Variants in GPRIN2 observed in about 807,000 individuals in gnomAD.
GPRIN2 encodes G protein regulated inducer of neurite outgrowth 2.
Under a neutral mutation model 0.3 loss-of-function variants are expected in GPRIN2, and 1 was observed. The observed-to-expected ratio is 3.90, with a 90% CI of 1.39 to 18.51. GPRIN2 has a LOEUF of 18.51. Ranked by LOEUF, GPRIN2 falls within the 30% of genes most tolerant of loss-of-function variation. The probability of loss-of-function intolerance (pLI) is 0.11; values close to 1 mark genes in which losing one functional copy is unlikely to be tolerated. For synonymous variants in GPRIN2, 361 were observed against 258.6 expected, an observed-to-expected ratio of 1.40 and a Z score of -3.80; for missense variants, 880 against 604.2, an observed-to-expected ratio of 1.46 and a Z score of -4.79.
chr10:46,553,528 G>A (rs1842843512), intron 2 of GPRIN2, among the ~76,000 whole-genome samples: 1 of 152,306 alleles, frequency 6.6e-6, no homozygotes, highest in African/African-American at 2.4e-5. Context: ...AGCCAGGCCA[G>A]CAGCCTCTGG....
At chr10:46,551,364 C>G in intron 2 of GPRIN2, 1 of 983,778 alleles carries the variant, frequency 1.0e-6, no homozygotes. Context: ...CCCCATCCTC[C>G]TTGGCCTAGC....
chr10:46,543,776 T>A lies in GPRIN2; in HGVS notation c.*5584A>T, dbSNP rs1351529931. Among the ~76,000 whole-genome samples, 1 of 152,312 alleles carries A rather than the reference T, an allele frequency of 6.6e-6. No homozygotes were observed. The highest frequency in any genetic ancestry group is 2.4e-5 in the African/African-American group (1 of 41,488). ...AGGATATCCACTTGGGGAGCTCGTA[T>A]TTTGGGGCCAGACCTTCCTCCTTGC... On this transcript the variant is annotated 3_prime_UTR_variant, in exon 3 of 3. Coordinates refer to ENST00000374314, the MANE Select transcript of GPRIN2 (RefSeq NM_001385282.1).
chr10:46,549,405 C>T lies in GPRIN2; in HGVS notation c.1332G>A (p.Leu444=). The stretch of plus-strand genomic sequence containing the variant: ...AGCAGCCGCAGCAGCTGGGGCGCCG[C>T]AGGGACTGCATGACAGCCCGCAGTG... The part of the protein sequence containing the change: ...RGPLRAVMQS[L]RRPSCCGCSG... Residue 444 remains leucine, a synonymous_variant, in exon 3 of 3, where the codon CTG becomes CTA. Transcript: ENST00000374314. 1 of 1,534,148 alleles carries T rather than the reference C, an allele frequency of 6.5e-7. No individual in the cohort carries two copies. Among genetic ancestry groups the T allele is most frequent in the Non-Finnish European group, 8.7e-7 (1 of 1,143,570 alleles).
At chr10:46,553,608 G>A (rs1464494499) in intron 2 of GPRIN2, among the ~76,000 whole-genome samples, 2 of 152,306 alleles carry the variant, frequency 1.3e-5, no homozygotes, top group African/African-American at 4.8e-5. Context: ...CATGAGCAAT[G>A]AGCATCCCAC....
In GPRIN2 at chr10:46,550,711, C is replaced by T. The variant is rs1555021022; in HGVS notation, c.26G>A (p.Gly9Asp). The T allele has an allele frequency of 6.6e-7, 1 of 1,508,888 alleles. No individual in the cohort carries two copies. The highest frequency in any genetic ancestry group is 1.4e-5 in the South Asian group (1 of 73,294). 93.5% of individuals were successfully genotyped at this position (1,508,888 alleles called of 1,614,324 possible). A position where few individuals can be genotyped will look rare whatever the true frequency, so the allele number is the denominator to read the frequency against. Residue 9 changes from glycine to aspartate, a missense_variant, in exon 3 of 3, where the codon GGT becomes GAT. Transcript: ENST00000374314. Reference protein sequence around the residue: MSSSRPEPGPWAPLSPRLQ... With the variant: MSSSRPEPDPWAPLSPRLQ... ...GCGGGGGCTCAGGGGTGCCCAGGGACCCGGCTCGGGGCGGCTGGAGCTCAT... is the reference window on the plus strand; with the variant it reads ...GCGGGGGCTCAGGGGTGCCCAGGGATCCGGCTCGGGGCGGCTGGAGCTCAT...
chr10:46,546,972 G>T lies in GPRIN2; in HGVS notation c.*2388C>A, dbSNP rs1842215610. Among the ~76,000 whole-genome samples, 1 of 152,310 alleles carries T rather than the reference G, an allele frequency of 6.6e-6. No individual in the cohort carries two copies. The highest frequency in any genetic ancestry group is 2.4e-5 in the African/African-American group (1 of 41,488). Reference sequence around the variant, plus strand: ...GCCAGGGCAGCATGGAGGTAGCACAGAGTGGCACCCAGCCAGCGTGAATGC... The same window carrying T: ...GCCAGGGCAGCATGGAGGTAGCACATAGTGGCACCCAGCCAGCGTGAATGC... On this transcript the variant is annotated 3_prime_UTR_variant, in exon 3 of 3. Transcript: ENST00000374314.
rs1247530825 is a variant in GPRIN2 at position 46,551,025 on chromosome 10, C to T, written c.-6-283G>A. Among the ~76,000 whole-genome samples the T allele has an allele frequency of 2.0e-5, 3 of 152,426 alleles. No homozygotes were observed. The East Asian group carries it at 5.8e-4, about 29-fold the overall frequency. On this transcript the variant is annotated intron_variant, in intron 2 of 2. Coordinates refer to ENST00000374314, the MANE Select transcript of GPRIN2 (RefSeq NM_001385282.1). ...GGGTGGGGTCCTGGAGGCCGCCACT[C>T]TATCAGCTCTCAACTCTTTACTGGC...
chr10:46,550,140 T>G lies in GPRIN2; in HGVS notation c.597A>C (p.Leu199=). The stretch of plus-strand genomic sequence containing the variant: ...TGTGGGCAGTTGTGTCCCCCAGGTC[T>G]AGTGGTGGCACTGACAACTGACTCG... ...LGASQLSVPP[L]DLGDTTAHSS... Residue 199 remains leucine (L), a synonymous_variant, in exon 3 of 3, where the codon CTA becomes CTC. Transcript: ENST00000374314. 6.2e-7 allele frequency: 1 copy of G among 1,604,528 alleles called. No individual in the cohort carries two copies. Among genetic ancestry groups the G allele is most frequent in the Non-Finnish European group, 8.5e-7 (1 of 1,174,798 alleles).
rs1832305459 is a variant in GPRIN2 at position 46,550,609 on chromosome 10, G to A, written c.128C>T (p.Ala43Val). 1.9e-3 allele frequency: 2,956 copies of A among 1,584,842 alleles called. No individual in the cohort carries two copies. The East Asian group carries it at 0.046, about 25-fold the overall frequency. Residue 43 changes from alanine to valine, a missense_variant, in exon 3 of 3, where the codon GCC becomes GTC. Ala to Val is a moderately conservative substitution (Grantham distance 64, BLOSUM62 0). Coordinates refer to ENST00000374314, the MANE Select transcript of GPRIN2 (RefSeq NM_001385282.1). ...CTGGGCCTGCCACACGGTGCTGCTGGCAGTCTTGCGGAGCTCTGGCCTCTG... is the reference window on the plus strand; with the variant it reads ...CTGGGCCTGCCACACGGTGCTGCTGACAGTCTTGCGGAGCTCTGGCCTCTG... ...REQRPELRKT[A>V]SSTVWQAQLG...
rs1173908645 is a variant in GPRIN2 at position 46,543,801 on chromosome 10, C to T, written c.*5559G>A. Among the ~76,000 whole-genome samples the T allele has an allele frequency of 1.2e-4, 18 of 152,422 alleles. No homozygotes were observed. Among genetic ancestry groups the T allele is most frequent in the African/African-American group, 4.3e-4 (18 of 41,602 alleles). ...TTTTGGGGCCAGACCTTCCTCCTTG[C>T]TGGGCTATCTCGGGCTTGGAGTGGG... On this transcript the variant is annotated 3_prime_UTR_variant, in exon 3 of 3. Transcript: ENST00000374314.
chr10:46,549,759 C>T lies in GPRIN2; in HGVS notation c.978G>A (p.Glu326=), dbSNP rs1555018035. ...MTSANDLAPA[E]ASPLSAQDAG... The stretch of plus-strand genomic sequence containing the variant: ...CATCCTGGGCTGACAGCGGGGATGC[C>T]TCTGCAGGGGCCAAGTCATTGGCTG... The change falls in exon 3 of 3, where the codon GAG becomes GAA. Residue 326 remains glutamate, a synonymous_variant. Transcript: ENST00000374314. The T allele has an allele frequency of 6.2e-7, 1 of 1,614,212 alleles. No homozygotes were observed. The highest frequency in any genetic ancestry group is 1.1e-5 in the South Asian group (1 of 91,090).
upstream of GPRIN2, among the ~76,000 whole-genome samples, chr10:46,557,519 C>G: frequency 1.3e-5 from 2 of 152,426 alleles, no homozygotes; most frequent in Non-Finnish European, 2.9e-5. Flanking sequence ...CAACAGCGGG[C>G]GAGGGCAGTG....
Position 46,547,849 on chromosome 10 carries a change from G to A in GPRIN2, c.*1511C>T, listed in dbSNP as rs1271984224. 6.6e-6 allele frequency among the ~76,000 whole-genome samples: 1 copy of A among 152,424 alleles called. No homozygotes were observed. The highest frequency in any genetic ancestry group is 1.5e-5 in the Non-Finnish European group (1 of 68,050). ...AAAGGCATGTTTACGGGTGAGAATG[G>A]TCCATCGTTGGGCTTCAGGAGGCAT... is the stretch of plus-strand genomic sequence containing the variant. On this transcript the variant is annotated 3_prime_UTR_variant, in exon 3 of 3. Transcript: ENST00000374314.
rs1218187172 is a variant in GPRIN2, at chr10:46,548,232, CAG to C, written c.*1126_*1127del. ...TCGAGAAATCTTTGGGCAATGAAGT[CAG>C]ACTGTGCCAAAGCCCATGTTTCTGT... is the stretch of plus-strand genomic sequence containing the variant. On this transcript the variant is annotated 3_prime_UTR_variant, in exon 3 of 3. Coordinates refer to ENST00000374314, the MANE Select transcript of GPRIN2 (RefSeq NM_001385282.1). Among the ~76,000 whole-genome samples, 2 of 114,246 alleles carry C rather than the reference CAG, an allele frequency of 1.8e-5. No individual in the cohort carries two copies. Among genetic ancestry groups the C allele is most frequent in the African/African-American group, 3.5e-5 (1 of 28,668 alleles). 74.9% of individuals were successfully genotyped at this position (114,246 alleles called of 152,430 possible). A position where few individuals can be genotyped will look rare whatever the true frequency, so the allele number is the denominator to read the frequency against.
chr10:46,551,487 C>T, intron 2 of GPRIN2: 2 of 985,528 alleles, frequency 2.0e-6, no homozygotes, highest in South Asian at 9.4e-5. Flanking sequence ...AGCATCTGGT[C>T]ATTGATTCCA....
At position 46,548,852 on chromosome 10, in the gene GPRIN2, G is replaced by A. The variant is rs1832780951; in HGVS notation, c.*508C>T. On this transcript the variant is annotated 3_prime_UTR_variant, in exon 3 of 3. Coordinates refer to ENST00000374314, the MANE Select transcript of GPRIN2 (RefSeq NM_001385282.1). The stretch of plus-strand genomic sequence containing the variant: ...AAATGAAGGCTTGCCAGGATGAAGA[G>A]GTGAAGACAGGACAAGCACAGTATG... Among the ~76,000 whole-genome samples the A allele has an allele frequency of 0.03, 4,418 of 149,240 alleles. No individual in the cohort carries two copies. The highest frequency in any genetic ancestry group is 0.17 in the East Asian group (811 of 4,848).
chr10:46,549,379 G>A lies in GPRIN2; in HGVS notation c.1358C>T (p.Ser453Phe). 6.7e-7 allele frequency: 1 copy of A among 1,486,112 alleles called. No homozygotes were observed. Among genetic ancestry groups the A allele is most frequent in the African/African-American group, 1.4e-5 (1 of 71,020 alleles). The allele number at this position is 1,486,112 out of a possible 1,614,324, so 92.1% of individuals were successfully genotyped here. The change falls in exon 3 of 3, where the codon TCC becomes TTC. Residue 453 changes from serine (S) to phenylalanine (F), a missense_variant. Physicochemically the swap from Ser to Phe is radical, Grantham distance 155. Coordinates refer to ENST00000374314, the MANE Select transcript of GPRIN2 (RefSeq NM_001385282.1). ...AGCTCCTCACTCGGGGGCCGCGCCG[G>A]AGCAGCCGCAGCAGCTGGGGCGCCG... ...SLRRPSCCGC[S>F]GAAPE
rs1832786009 is a variant in GPRIN2 at position 46,548,754 on chromosome 10, T to G, written c.*606A>C. ...TACAGGGCAACACCCACGGCTCAGC[T>G]GGCCCTGGCTTTGGATCTCAGTCCC... On this transcript the variant is annotated 3_prime_UTR_variant, in exon 3 of 3. Transcript: ENST00000374314. Among the ~76,000 whole-genome samples, 2 of 152,286 alleles carry G rather than the reference T, an allele frequency of 1.3e-5. No homozygotes were observed. The highest frequency in any genetic ancestry group is 1.5e-5 in the Non-Finnish European group (1 of 68,056).
chr10:46,556,365 C>A (rs1369868666), intron 1 of GPRIN2, among the ~76,000 whole-genome samples, 133 bp downstream of exon 1: 1 of 152,304 alleles, frequency 6.6e-6, no homozygotes, highest in African/African-American at 2.4e-5. Flanking sequence ...GCTCTGGGCG[C>A]TGGGCAGGGG....
Sources: gnomAD v4.1 joint callset for allele counts (sites outside exome capture counted in the v4.1 genomes callset) on GRCh38, gnomAD v4.1.1 for gene constraint, MANE v1.5 for transcripts, NCBI Gene and HGNC (gene_info 2026-07-23, HGNC 2026-07-21) for gene names.